GALNT17: variants seen among roughly 807,000 people sequenced by gnomAD.
The protein encoded by GALNT17 is polypeptide N-acetylgalactosaminyltransferase 17, also known as UDP-GalNAc:polypeptide N-acetylgalactosaminyltransferase-like 3.
GALNT17 carries 29 observed loss-of-function variants against 63.7 expected under a neutral mutation model. That is an observed-to-expected ratio of 0.46 (90% CI 0.34 to 0.62). The LOEUF is 0.62. Ranked by LOEUF, GALNT17 falls within the 20% of genes least tolerant of loss-of-function variation. The probability of loss-of-function intolerance (pLI) is 0.01; values close to 1 mark genes in which losing one functional copy is unlikely to be tolerated. For synonymous variants in GALNT17, 305 were observed against 318.3 expected (o/e 0.96, Z 0.45); for missense variants, 603 against 799.6 (o/e 0.75, Z 2.97).
intron 1 of GALNT17, among the ~76,000 whole-genome samples, chr7:71,177,904 G>A (rs1788667750): frequency 6.6e-6 from 1 of 152,116 alleles, no homozygotes; most frequent in African/African-American, 2.4e-5. Flanking sequence ...AAGGAAGGTA[G>A]GGGTTGCTTG....
At chr7:71,349,865 A>G (rs1375812310) in intron 2 of GALNT17, among the ~76,000 whole-genome samples, 2 of 152,234 alleles carry the variant, frequency 1.3e-5, no homozygotes, top group Non-Finnish European at 2.9e-5. Context: ...ATTCATAAAC[A>G]TGATCTTGAA....
chr7:71,542,199 T>C lies in GALNT17; in HGVS notation c.963-29086T>C, dbSNP rs181552914. Among the ~76,000 whole-genome samples the C allele has an allele frequency of 2.4e-3, 358 of 152,288 alleles. 2 individuals are homozygous for C. Among genetic ancestry groups the C allele is most frequent in the Admixed American group, 5.1e-3 (78 of 15,294 alleles). ...CAGAGAAGCAGCTGCAAACCTCCTTTTCTGATTTGCAAATTAAATACATGT... is the reference window on the plus strand; with the variant it reads ...CAGAGAAGCAGCTGCAAACCTCCTTCTCTGATTTGCAAATTAAATACATGT... On this transcript the variant is annotated intron_variant, in intron 5 of 10. Coordinates refer to ENST00000333538, the MANE Select transcript of GALNT17 (RefSeq NM_022479.3).
intron 6 of GALNT17, among the ~76,000 whole-genome samples, chr7:71,651,149 A>C (rs1369305070): frequency 7.1e-6 from 1 of 141,500 alleles, no homozygotes; most frequent in Non-Finnish European, 1.5e-5. Flanking sequence ...ATAGAGTGAG[A>C]GCTAGTAGAT....
intron 5 of GALNT17, among the ~76,000 whole-genome samples, chr7:71,544,336 G>GTA (rs1562684347): frequency 1.3e-5 from 2 of 148,178 alleles, no homozygotes; most frequent in African/African-American, 5.0e-5. Flanking sequence ...TAGAGACGGG[G>GTA]TTTCACTGTG....
intron 1 of GALNT17, among the ~76,000 whole-genome samples, chr7:71,270,550 A>G (rs1790568049): frequency 6.6e-6 from 1 of 150,904 alleles, no homozygotes; most frequent in African/African-American, 2.4e-5. Context: ...AAAAAAAAAA[A>G]AAAAAAAAAA....
chr7:71,349,359 G>T (rs918547210), intron 2 of GALNT17, among the ~76,000 whole-genome samples: 1 of 152,140 alleles, frequency 6.6e-6, no homozygotes, highest in Non-Finnish European at 1.5e-5. Flanking sequence ...AGGGAGAAAG[G>T]CTCATCAGTA....
intron 6 of GALNT17, among the ~76,000 whole-genome samples, chr7:71,593,583 C>G (rs1391168265): frequency 6.6e-6 from 1 of 152,146 alleles, no homozygotes; most frequent in East Asian, 1.9e-4. Flanking sequence ...TTTTGACTCT[C>G]ACCCTTGAAG....
In GALNT17 at chr7:71,710,940, A is replaced by G. The variant is rs1791783479; in HGVS notation, c.1668+12A>G. The G allele has an allele frequency of 1.2e-6, 2 of 1,612,618 alleles. No individual in the cohort carries two copies. Among genetic ancestry groups the G allele is most frequent in the Non-Finnish European group, 1.7e-6 (2 of 1,179,724 alleles). On this transcript the variant is annotated intron_variant, in intron 10 of 10. Transcript: ENST00000333538. ...GGAACTTCATCCAGGTGAGTGCTGT[A>G]TGGACAGAGCCAGCACCCAGAGTAG...
chr7:71,657,593 C>T (rs920764329), intron 6 of GALNT17, among the ~76,000 whole-genome samples: 5 of 152,198 alleles, frequency 3.3e-5, no homozygotes, highest in African/African-American at 1.2e-4. Context: ...CCTGAAGCTA[C>T]TATCCAGCTG....
At chr7:71,573,089 A>G (rs1584060542) in intron 6 of GALNT17, among the ~76,000 whole-genome samples, 1 of 151,770 alleles carries the variant, frequency 6.6e-6, no homozygotes, top group African/African-American at 2.4e-5. Flanking sequence ...GCTCACCGCA[A>G]CCTCCATCTC....
At chr7:71,403,860 G>A (rs2116395738) in intron 3 of GALNT17, among the ~76,000 whole-genome samples, 1 of 152,252 alleles carries the variant, frequency 6.6e-6, no homozygotes, top group African/African-American at 2.4e-5. Context: ...TAATGACTGT[G>A]ACTTTGGCTA....
chr7:71,661,637 A>G (rs1010864213), intron 6 of GALNT17, among the ~76,000 whole-genome samples: 2 of 152,156 alleles, frequency 1.3e-5, no homozygotes, highest in African/African-American at 4.8e-5. Context: ...AGTGATGGCA[A>G]TGTTGTGGGC....
chr7:71,264,235 C>T (rs987425889), intron 1 of GALNT17, among the ~76,000 whole-genome samples: 27 of 152,168 alleles, frequency 1.8e-4, no homozygotes, highest in African/African-American at 6.5e-4. Context: ...GCATGCCGCA[C>T]ATGCTTTCTT....
At chr7:71,280,533 G>A (rs913972925) in intron 1 of GALNT17, among the ~76,000 whole-genome samples, 9 of 152,246 alleles carry the variant, frequency 5.9e-5, no homozygotes, top group Admixed American at 2.0e-4. Flanking sequence ...CAGAAAACCC[G>A]TTTAACCTAG....
chr7:71,683,324 A>C (rs2117080307), intron 9 of GALNT17, among the ~76,000 whole-genome samples: 1 of 152,074 alleles, frequency 6.6e-6, no homozygotes, highest in East Asian at 1.9e-4. Flanking sequence ...CACTTCCCAA[A>C]CCCACTCCTT....
chr7:71,287,072 C>G (rs1210775463), intron 1 of GALNT17, among the ~76,000 whole-genome samples: 1 of 151,620 alleles, frequency 6.6e-6, no homozygotes, highest in East Asian at 2.0e-4. Flanking sequence ...GTTACTGCGT[C>G]CAGCTGCTTT....
chr7:71,377,096 A>AT (rs1340287615), intron 2 of GALNT17, among the ~76,000 whole-genome samples: 2 of 61,918 alleles, frequency 3.2e-5, no homozygotes, highest in African/African-American at 2.1e-4. Context: ...AAAAAAAAAA[A>AT]AAAATAAAAA....
At chr7:71,702,544 A>G (rs1049491780) in intron 9 of GALNT17, among the ~76,000 whole-genome samples, 4 of 152,180 alleles carry the variant, frequency 2.6e-5, no homozygotes, top group African/African-American at 7.2e-5. Flanking sequence ...TTTGGGTGAG[A>G]TTGGAAGCTT....
chr7:71,612,873 TC>T (rs1328341812), intron 6 of GALNT17, among the ~76,000 whole-genome samples: 1 of 152,202 alleles, frequency 6.6e-6, no homozygotes, highest in South Asian at 2.1e-4. Flanking sequence ...GGTTTGCCAG[TC>T]CCCATCAATG....
Sources: gnomAD v4.1 joint callset for allele counts (sites outside exome capture counted in the v4.1 genomes callset) on GRCh38, gnomAD v4.1.1 for gene constraint, MANE v1.5 for transcripts, NCBI Gene and HGNC (gene_info 2026-07-23, HGNC 2026-07-21) for gene names.